Variants in SKA2 observed in about 807,000 individuals in gnomAD.
SKA2 encodes spindle and kinetochore associated complex subunit 2, also known as spindle and kinetochore-associated protein 2.
Under a neutral mutation model 16.9 loss-of-function variants are expected in SKA2, and 13 were observed. The ratio of observed to expected loss-of-function variants is 0.77; its 90% confidence interval spans 0.50 to 1.22. The LOEUF (loss-of-function observed/expected upper bound fraction) is 1.22, where lower values mean the gene tolerates loss of function less well. Ranked by LOEUF, SKA2 falls within the 50% of genes most tolerant of loss-of-function variation. The pLI is 0.00. For missense variants in SKA2, 107 were observed against 139.7 expected, an observed-to-expected ratio of 0.77 and a Z score of 1.18; for synonymous variants, 47 against 48.5, an observed-to-expected ratio of 0.97 and a Z score of 0.13.
intron 1 of SKA2, among the ~76,000 whole-genome samples, chr17:59,142,281 T>C (rs2046496171): frequency 6.6e-6 from 1 of 151,472 alleles, no homozygotes; most frequent in South Asian, 2.1e-4. Flanking sequence ...CTTTAGTTTA[T>C]ATATGGTGGG....
Position 59,155,158 on chromosome 17 carries a change from C to T in SKA2, c.6G>A (p.Glu2=). 6.2e-7 allele frequency: 1 copy of T among 1,614,054 alleles called. No homozygotes were observed. The highest frequency in any genetic ancestry group is 8.5e-7 in the Non-Finnish European group (1 of 1,179,906). Reference sequence around the variant, plus strand: ...TCAGTTCCAGCTTATCGACCTCCGCCTCCATGTTGAATAGTTGACATTCCG... The same window carrying T: ...TCAGTTCCAGCTTATCGACCTCCGCTTCCATGTTGAATAGTTGACATTCCG... M[E]AEVDKLELMF... Residue 2 remains glutamate (E), a synonymous_variant, in exon 1 of 4, where the codon GAG becomes GAA. Transcript: ENST00000330137.
At position 59,149,531 on chromosome 17, in the gene SKA2, A is replaced by G. The variant is rs1040865281; in HGVS notation, c.33+5600T>C. On this transcript the variant is annotated intron_variant, in intron 1 of 3. Transcript: ENST00000330137. Reference sequence around the variant, plus strand: ...TAAAGAAAAAGAAAAAAATATTGCTAAAAAAAAAATTAAACAAAGACATTT... The same window carrying G: ...TAAAGAAAAAGAAAAAAATATTGCTGAAAAAAAAATTAAACAAAGACATTT... 5.7e-5 allele frequency among the ~76,000 whole-genome samples: 3 copies of G among 52,826 alleles called. No individual in the cohort carries two copies. In the African/African-American group the frequency reaches 6.7e-4, roughly 12 times the overall value. 34.7% of individuals were successfully genotyped at this position (52,826 alleles called of 152,430 possible).
At chr17:59,147,625 CTTT>C (rs910746893) in intron 1 of SKA2, among the ~76,000 whole-genome samples, 3 of 144,956 alleles carry the variant, frequency 2.1e-5, no homozygotes, top group Non-Finnish European at 4.6e-5. Context: ...TCTTGATCTA[CTTT>C]TTTTTTTTTA....
intron 3 of SKA2, among the ~76,000 whole-genome samples, chr17:59,116,306 G>A (rs2046295523): frequency 6.6e-6 from 1 of 152,200 alleles, no homozygotes; most frequent in African/African-American, 2.4e-5. Context: ...CCAGGAGGCG[G>A]AAGTTGCTGT....
chr17:59,154,915 C>A, intron 1 of SKA2: 1 of 1,604,412 alleles, frequency 6.2e-7, no homozygotes, highest in Non-Finnish European at 8.5e-7. Context: ...TCAGCATCTC[C>A]CGCCATTTCC....
chr17:59,127,655 G>A (rs2046381171), intron 2 of SKA2, among the ~76,000 whole-genome samples: 1 of 152,024 alleles, frequency 6.6e-6, no homozygotes, highest in African/African-American at 2.4e-5. Context: ...CCAAAGTGCT[G>A]GGATTACAGG....
chr17:59,151,250 C>T (rs763854365), intron 1 of SKA2: 3 of 488,374 alleles, frequency 6.1e-6, no homozygotes, highest in Non-Finnish European at 1.3e-5. Context: ...ACAAAAGCAT[C>T]TTGCATCGGT....
intron 3 of SKA2, among the ~76,000 whole-genome samples, chr17:59,112,769 T>C (rs1198403817): frequency 6.6e-6 from 1 of 152,184 alleles, no homozygotes; most frequent in African/African-American, 2.4e-5. Context: ...CTGTATACTT[T>C]AAATCATCTC....
At chr17:59,141,403 A>G (rs920593229) in intron 1 of SKA2, among the ~76,000 whole-genome samples, 1 of 151,666 alleles carries the variant, frequency 6.6e-6, no homozygotes, top group African/African-American at 2.4e-5. Flanking sequence ...CTCTAAATAA[A>G]TAAATAAATA....
At chr17:59,152,410 A>G (rs1481460040) in intron 1 of SKA2, among the ~76,000 whole-genome samples, 2 of 152,248 alleles carry the variant, frequency 1.3e-5, no homozygotes, top group African/African-American at 2.4e-5. Flanking sequence ...CCTGGGCCAC[A>G]TAACTAAAAT....
intron 3 of SKA2, among the ~76,000 whole-genome samples, chr17:59,117,182 C>T (rs561857342): frequency 2.6e-5 from 4 of 152,228 alleles, no homozygotes; most frequent in Non-Finnish European, 2.9e-5. Flanking sequence ...AATTTATTTA[C>T]AAATTGTACC....
At chr17:59,115,202 C>T (rs768142721) in intron 3 of SKA2, among the ~76,000 whole-genome samples, 4 of 151,678 alleles carry the variant, frequency 2.6e-5, no homozygotes, top group Middle Eastern at 3.2e-3. Context: ...TACAGGTGCC[C>T]GCCACCATGC....
intron 2 of SKA2, chr17:59,129,409 G>A (rs1196988570): frequency 7.2e-6 from 1 of 139,132 alleles, no homozygotes; most frequent in African/African-American, 2.8e-5. Flanking sequence ...TCTTTAAACT[G>A]ATAAAAACAG....
chr17:59,130,457 C>CAAAAAAAAAAAA (rs569934567), intron 2 of SKA2, among the ~76,000 whole-genome samples: 7 of 70,292 alleles, frequency 1.0e-4, no homozygotes, highest in Admixed American at 1.8e-4. Context: ...ACTAAAAATA[C>CAAAAAAAAAAAA]AAAAAAAAAA....
chr17:59,121,711 G>T, intron 2 of SKA2, among the ~76,000 whole-genome samples: 1 of 144,696 alleles, frequency 6.9e-6, no homozygotes. Context: ...CACTTTGGGA[G>T]GCCGAGGCGG....
At chr17:59,114,728 G>A (rs1446734307) in intron 3 of SKA2, among the ~76,000 whole-genome samples, 1 of 152,192 alleles carries the variant, frequency 6.6e-6, no homozygotes, top group African/African-American at 2.4e-5. Context: ...AAGGGAAGTT[G>A]TAAGGGACTT....
At chr17:59,113,952 A>G (rs2046280412) in intron 3 of SKA2, among the ~76,000 whole-genome samples, 1 of 152,152 alleles carries the variant, frequency 6.6e-6, no homozygotes, top group South Asian at 2.1e-4. Flanking sequence ...TCCATCTCAC[A>G]GCTCTAATAT....
intron 1 of SKA2, among the ~76,000 whole-genome samples, chr17:59,147,587 A>G (rs2046543288): frequency 6.6e-6 from 1 of 151,546 alleles, no homozygotes; most frequent in East Asian, 1.9e-4. Context: ...CTGAAATTCA[A>G]TGCGTTTAGA....
rs2147789314 is a variant in SKA2, at chr17:59,111,790, CAAT to C, written c.*484_*486del. Reference sequence around the variant, plus strand: ...ACAGGTCACATAAAAGCAGTCTCAACAATAATGTGACCACATGTGCAATCAACA... The same window carrying C: ...ACAGGTCACATAAAAGCAGTCTCAACAATGTGACCACATGTGCAATCAACA... On this transcript the variant is annotated 3_prime_UTR_variant, in exon 4 of 4. Coordinates refer to ENST00000330137, the MANE Select transcript of SKA2 (RefSeq NM_182620.4). 1 of 152,906 alleles carries C rather than the reference CAAT, an allele frequency of 6.5e-6. No homozygotes were observed. Among genetic ancestry groups the C allele is most frequent in the African/African-American group, 2.4e-5 (1 of 41,566 alleles). 9.5% of individuals were successfully genotyped at this position (152,906 alleles called of 1,614,324 possible).
Sources: allele counts gnomAD v4.1 joint callset (sites outside exome capture counted in the v4.1 genomes callset), GRCh38; gene constraint gnomAD v4.1.1; transcripts MANE v1.5; gene names NCBI Gene and HGNC (gene_info 2026-07-23, HGNC 2026-07-21).